The following UBTD1 variants were observed in gnomAD, a reference collection of about 807,000 sequenced individuals.
UBTD1 encodes the protein ubiquitin domain containing 1.
UBTD1 carries 19 observed loss-of-function variants against 21.7 expected under a neutral mutation model. The observed-to-expected ratio is 0.87, with a 90% CI of 0.61 to 1.28. The LOEUF (loss-of-function observed/expected upper bound fraction) is 1.28. UBTD1 is among the 50% of genes most tolerant of loss of function. The pLI is 0.00. For missense variants in UBTD1, 282 were observed against 315.1 expected (o/e 0.89, Z 0.80); for synonymous variants, 116 against 135.1 (o/e 0.86, Z 0.98).
intron 1 of UBTD1, among the ~76,000 whole-genome samples, chr10:97,549,915 T>C (rs1418232693): frequency 6.6e-6 from 1 of 152,226 alleles, no homozygotes; most frequent in Non-Finnish European, 1.5e-5. Flanking sequence ...CCACACCCCC[T>C]GGCTCCCCCC....
intron 1 of UBTD1, among the ~76,000 whole-genome samples, chr10:97,567,229 C>A (rs1221965020): frequency 2.0e-5 from 3 of 151,502 alleles, no homozygotes; most frequent in Non-Finnish European, 4.4e-5. Flanking sequence ...TGCCATCATG[C>A]CTGGCTAATT....
chr10:97,564,598 T>C (rs1177821799), intron 1 of UBTD1, among the ~76,000 whole-genome samples: 3 of 152,122 alleles, frequency 2.0e-5, no homozygotes, highest in Non-Finnish European at 2.9e-5. Context: ...GTTTCACTCT[T>C]TGTTACCCAG....
intron 1 of UBTD1, among the ~76,000 whole-genome samples, chr10:97,508,674 T>C (rs2040409012): frequency 6.6e-6 from 1 of 152,200 alleles, no homozygotes; most frequent in African/African-American, 2.4e-5. Flanking sequence ...CCTTTCACAT[T>C]GCTGTCCCTT....
At chr10:97,524,781 A>G (rs2040481006) in intron 1 of UBTD1, among the ~76,000 whole-genome samples, 2 of 152,182 alleles carry the variant, frequency 1.3e-5, no homozygotes, top group East Asian at 3.8e-4. Flanking sequence ...GCCACATCAT[A>G]GAACATTGTT....
chr10:97,501,324 T>C (rs1054668716), intron 1 of UBTD1, among the ~76,000 whole-genome samples: 9 of 152,232 alleles, frequency 5.9e-5, no homozygotes, highest in African/African-American at 1.9e-4. Context: ...TGGTGGCTCA[T>C]GCCTGTAATC....
intron 1 of UBTD1, among the ~76,000 whole-genome samples, chr10:97,567,155 C>T (rs978279616): frequency 3.3e-5 from 5 of 151,774 alleles, no homozygotes; most frequent in Non-Finnish European, 5.9e-5. Context: ...ACTGCAGCCT[C>T]AACCTCCCAG....
intron 1 of UBTD1, among the ~76,000 whole-genome samples, chr10:97,500,022 C>A (rs574626582): frequency 6.6e-6 from 1 of 152,202 alleles, no homozygotes; most frequent in Non-Finnish European, 1.5e-5. Context: ...CTGGGTCTTA[C>A]ACTCACTTCC....
chr10:97,499,229 G>T lies in UBTD1; in HGVS notation c.26G>T (p.Arg9Leu), dbSNP rs1327756172. The change falls in exon 1 of 3, where the codon CGC (arginine) becomes CTC (leucine). Residue 9 changes from arginine to leucine, a missense_variant. Coordinates refer to ENST00000370664, the MANE Select transcript of UBTD1 (RefSeq NM_024954.5). MGNCVGRQRRERPAAPGHP... is the reference protein window; with the variant it reads MGNCVGRQLRERPAAPGHP... ...ATGGGCAACTGCGTGGGGAGACAGCGCCGGGAGAGGCCGGCAGCCCCGGGA... is the reference window on the plus strand; with the variant it reads ...ATGGGCAACTGCGTGGGGAGACAGCTCCGGGAGAGGCCGGCAGCCCCGGGA... The T allele has an allele frequency of 6.5e-7, 1 of 1,548,128 alleles. No homozygotes were observed. Among genetic ancestry groups the T allele is most frequent in the South Asian group, 1.2e-5 (1 of 83,552 alleles).
At chr10:97,513,948 G>A (rs533512974) in intron 1 of UBTD1, among the ~76,000 whole-genome samples, 1 of 151,972 alleles carries the variant, frequency 6.6e-6, no homozygotes, top group South Asian at 2.1e-4. Flanking sequence ...CTGGCCACAA[G>A]CACTTCTCCC....
rs573563664 is a variant in UBTD1, at chr10:97,528,657, G to C, written c.70+29384G>C. On this transcript the variant is annotated intron_variant, in intron 1 of 2. Transcript: ENST00000370664. ...CACCTCCCTCCCGGACGGGGCGGCT[G>C]GCCGGGCGGGGGGCTGACCCCCCCC... is the stretch of plus-strand genomic sequence containing the variant. Among the ~76,000 whole-genome samples the C allele has an allele frequency of 8.2e-3, 415 of 50,406 alleles. 69 individuals carry two copies. The highest frequency in any genetic ancestry group is 0.08 in the East Asian group (54 of 672). 33.1% of individuals were successfully genotyped at this position (50,406 alleles called of 152,430 possible).
At chr10:97,559,656 T>G (rs1343472189) in intron 1 of UBTD1, among the ~76,000 whole-genome samples, 1 of 152,206 alleles carries the variant, frequency 6.6e-6, no homozygotes, top group African/African-American at 2.4e-5. Flanking sequence ...ATCCAATTTT[T>G]CATGTTTGAC....
chr10:97,536,083 C>T (rs1382743219), intron 1 of UBTD1, among the ~76,000 whole-genome samples: 1 of 151,700 alleles, frequency 6.6e-6, no homozygotes, highest in Non-Finnish European at 1.5e-5. Flanking sequence ...ACCTCCGCCT[C>T]CCGGATTCAA....
intron 1 of UBTD1, among the ~76,000 whole-genome samples, chr10:97,548,024 C>T (rs1054910681): frequency 2.0e-5 from 3 of 152,310 alleles, no homozygotes; most frequent in East Asian, 1.9e-4. Flanking sequence ...TTAATCCTTA[C>T]AGCAGTCCCA....
intron 1 of UBTD1, among the ~76,000 whole-genome samples, chr10:97,520,796 G>A (rs1035237114): frequency 4.6e-5 from 7 of 152,168 alleles, no homozygotes; most frequent in Non-Finnish European, 5.9e-5. Context: ...TGGCCACCCC[G>A]GTTTCTGCCC....
rs545139194 is a variant in UBTD1 at position 97,561,512 on chromosome 10, C to G, written c.71-6402C>G. Among the ~76,000 whole-genome samples the G allele has an allele frequency of 3.3e-5, 5 of 152,122 alleles. 1 individual carries two copies. The highest frequency in any genetic ancestry group is 7.3e-5 in the Non-Finnish European group (5 of 68,040). ...ATGAAAGGGTCGTGATTGATTTGAG[C>G]AAGCAGGCGGTATGTGACAGGGGAT... On this transcript the variant is annotated intron_variant, in intron 1 of 2. Coordinates refer to ENST00000370664, the MANE Select transcript of UBTD1 (RefSeq NM_024954.5).
chr10:97,519,853 G>A (rs1420996862), intron 1 of UBTD1, among the ~76,000 whole-genome samples: 3 of 152,100 alleles, frequency 2.0e-5, no homozygotes, highest in Admixed American at 2.0e-4. Context: ...GAGACTGTAT[G>A]TGTCCTGTCA....
At chr10:97,558,049 T>G (rs1161737198) in intron 1 of UBTD1, among the ~76,000 whole-genome samples, 1 of 152,144 alleles carries the variant, frequency 6.6e-6, no homozygotes, top group Non-Finnish European at 1.5e-5. Flanking sequence ...CGTGGACCAG[T>G]CAGCTTCTGG....
intron 1 of UBTD1, among the ~76,000 whole-genome samples, chr10:97,528,070 C>T (rs1394153366): frequency 3.0e-5 from 4 of 134,446 alleles, no homozygotes; most frequent in Non-Finnish European, 3.3e-5. Context: ...GCTGGCTGGG[C>T]GGGGGGCTGA....
chr10:97,565,327 A>C (rs1403169076), intron 1 of UBTD1, among the ~76,000 whole-genome samples: 2 of 152,200 alleles, frequency 1.3e-5, no homozygotes, highest in Non-Finnish European at 2.9e-5. Context: ...TTCTATATAA[A>C]ATTTAGAATC....
Sources: gnomAD v4.1 joint callset for allele counts (sites outside exome capture counted in the v4.1 genomes callset) on GRCh38, gnomAD v4.1.1 for gene constraint, MANE v1.5 for transcripts, NCBI Gene and HGNC (gene_info 2026-07-23, HGNC 2026-07-21) for gene names.